CIMIP5: variants seen among roughly 807,000 people sequenced by gnomAD.
The protein encoded by CIMIP5 is uncharacterized protein C2orf50.
chr2:11,144,482 G>A, the CIMIP5 span: 27 of 168,168 alleles, frequency 1.6e-4, no homozygotes, highest in East Asian at 1.3e-3. Context: ...CTGTGCCTCC[G>A]TCTCCCCTCC....
the CIMIP5 span, among the ~76,000 whole-genome samples, chr2:11,142,713 A>ATTTT: frequency 3.6e-4 from 37 of 104,138 alleles, no homozygotes; most frequent in Admixed American, 5.8e-4. Flanking sequence ...CACTTGTCAG[A>ATTTT]TTTTTTTTTT....
the CIMIP5 span, among the ~76,000 whole-genome samples, chr2:11,153,347 C>T: frequency 6.6e-6 from 1 of 152,134 alleles, no homozygotes; most frequent in Non-Finnish European, 1.5e-5. Flanking sequence ...TCTCAAAGGC[C>T]CCTCATGCTG....
chr2:11,139,276 C>T, the CIMIP5 span, among the ~76,000 whole-genome samples: 648 of 152,192 alleles, frequency 4.3e-3, 3 homozygotes, highest in African/African-American at 0.015. Context: ...GCAAGAATGG[C>T]ATAATACAGC....
chr2:11,150,622 G>A, the CIMIP5 span, among the ~76,000 whole-genome samples: 14 of 148,494 alleles, frequency 9.4e-5, no homozygotes, highest in East Asian at 6.0e-4. Flanking sequence ...GTGAGCCACC[G>A]TGCCCGGTGG....
chr2:11,146,282 C>A, the CIMIP5 span, among the ~76,000 whole-genome samples: 6 of 152,148 alleles, frequency 3.9e-5, no homozygotes, highest in Non-Finnish European at 8.8e-5. Flanking sequence ...GTCACTTGCC[C>A]AAGGTCACAC....
chr2:11,144,267 C>A, the CIMIP5 span: 2 of 515,250 alleles, frequency 3.9e-6, no homozygotes, highest in Non-Finnish European at 6.6e-6. Flanking sequence ...CAAGGGGTCA[C>A]TCTTACACAC....
At chr2:11,153,199 A>G in the CIMIP5 span, among the ~76,000 whole-genome samples, 6 of 152,180 alleles carry the variant, frequency 3.9e-5, no homozygotes, top group Non-Finnish European at 8.8e-5. Context: ...TCTAGGAGCC[A>G]GGAAGAAACC....
At chr2:11,133,449 A>G in the CIMIP5 span, 2 of 1,610,554 alleles carry the variant, frequency 1.2e-6, no homozygotes, top group South Asian at 1.1e-5. Flanking sequence ...CCCTATGGCC[A>G]GCAGGGGTCT....
the CIMIP5 span, among the ~76,000 whole-genome samples, chr2:11,143,062 G>T: frequency 1.3e-5 from 2 of 152,034 alleles, no homozygotes; most frequent in African/African-American, 4.8e-5. Context: ...TTACCCAAAC[G>T]CACGTTCACA....
the CIMIP5 span, among the ~76,000 whole-genome samples, chr2:11,137,932 G>A: frequency 2.6e-5 from 4 of 152,248 alleles, no homozygotes; most frequent in Non-Finnish European, 5.9e-5. Context: ...TGCAAGCTCC[G>A]CCTCCCGGGT....
chr2:11,137,915 G>A, the CIMIP5 span, among the ~76,000 whole-genome samples: 3 of 152,064 alleles, frequency 2.0e-5, no homozygotes, highest in Non-Finnish European at 2.9e-5. Flanking sequence ...GTGCCATCTC[G>A]GCTCACTGCA....
the CIMIP5 span, among the ~76,000 whole-genome samples, chr2:11,136,602 C>G: frequency 6.6e-6 from 1 of 152,064 alleles, no homozygotes; most frequent in Non-Finnish European, 1.5e-5. Flanking sequence ...CAAATGGACA[C>G]AGGTGTTTTG....
At chr2:11,146,963 C>G in the CIMIP5 span, among the ~76,000 whole-genome samples, 15 of 152,180 alleles carry the variant, frequency 9.9e-5, no homozygotes, top group Non-Finnish European at 2.1e-4. Context: ...GGGAGAGGCA[C>G]AAGAAAAGTC....
chr2:11,153,303 C>T, the CIMIP5 span, among the ~76,000 whole-genome samples: 6 of 152,206 alleles, frequency 3.9e-5, no homozygotes, highest in Non-Finnish European at 8.8e-5. Flanking sequence ...ATGGAGGAGG[C>T]CACTCCCTGC....
the CIMIP5 span, chr2:11,145,305 A>T: frequency 6.6e-6 from 1 of 152,064 alleles, no homozygotes. Context: ...AATTTTTAAA[A>T]TTTTATGTAG....
the CIMIP5 span, among the ~76,000 whole-genome samples, chr2:11,148,300 A>G: frequency 6.6e-6 from 1 of 151,988 alleles, no homozygotes; most frequent in Non-Finnish European, 1.5e-5. Flanking sequence ...CATTTTTAGT[A>G]GAGACATGGT....
chr2:11,136,789 G>A, the CIMIP5 span, among the ~76,000 whole-genome samples: 1 of 152,188 alleles, frequency 6.6e-6, no homozygotes, highest in Admixed American at 6.5e-5. Context: ...AGAAGGAAAC[G>A]GGTGGGCATT....
chr2:11,148,054 G>A, the CIMIP5 span, among the ~76,000 whole-genome samples: 7 of 152,072 alleles, frequency 4.6e-5, no homozygotes, highest in Non-Finnish European at 8.8e-5. Flanking sequence ...AGACAGCAGG[G>A]CTTCAGGAAA....
At chr2:11,150,340 C>CT in the CIMIP5 span, among the ~76,000 whole-genome samples, 13 of 149,906 alleles carry the variant, frequency 8.7e-5, no homozygotes, top group African/African-American at 2.9e-4. Context: ...GATTTTTTTT[C>CT]TTTTTTTTTT....
Sources: allele counts gnomAD v4.1 joint callset (sites outside exome capture counted in the v4.1 genomes callset), GRCh38; gene constraint gnomAD v4.1.1; transcripts MANE v1.5; gene names NCBI Gene and HGNC (gene_info 2026-07-23, HGNC 2026-07-21).